Variants in UBTD1 observed in about 807,000 individuals in gnomAD.
UBTD1 encodes the protein ubiquitin domain containing 1.
UBTD1 carries 19 observed loss-of-function variants against 21.7 expected under a neutral mutation model. The ratio of observed to expected loss-of-function variants is 0.87; its 90% confidence interval spans 0.61 to 1.28. UBTD1 has a LOEUF of 1.28. Ranked by LOEUF, UBTD1 falls within the 50% of genes most tolerant of loss-of-function variation. The probability of loss-of-function intolerance (pLI) is 0.00; values close to 1 mark genes in which losing one functional copy is unlikely to be tolerated. For synonymous variants in UBTD1, 116 were observed against 135.1 expected, an observed-to-expected ratio of 0.86 and a Z score of 0.98; for missense variants, 282 against 315.1, an observed-to-expected ratio of 0.89 and a Z score of 0.80.
rs74713888 is a variant in UBTD1 at position 97,505,096 on chromosome 10, G to A, written c.70+5823G>A. Among the ~76,000 whole-genome samples the A allele has an allele frequency of 6.6e-3, 998 of 152,308 alleles. 13 individuals are homozygous for A. The highest frequency in any genetic ancestry group is 0.023 in the African/African-American group (937 of 41,566). On this transcript the variant is annotated intron_variant, in intron 1 of 2. Transcript: ENST00000370664. ...GTCCTTAACTCGCAGGGCAGGGATAGGGTGGCCTAATAGACTACAAGGGAG... is the reference window on the plus strand; with the variant it reads ...GTCCTTAACTCGCAGGGCAGGGATAAGGTGGCCTAATAGACTACAAGGGAG...
intron 1 of UBTD1, among the ~76,000 whole-genome samples, chr10:97,535,530 G>A (rs925144632): frequency 2.6e-5 from 4 of 152,240 alleles, no homozygotes; most frequent in Middle Eastern, 6.8e-3. Flanking sequence ...CAGGAGAATC[G>A]CTTGAACCCA....
At position 97,507,550 on chromosome 10, in the gene UBTD1, A is replaced by T. The variant is rs572567912; in HGVS notation, c.70+8277A>T. Among the ~76,000 whole-genome samples the T allele has an allele frequency of 2.0e-4, 31 of 151,868 alleles. No individual in the cohort carries two copies. In the East Asian group the frequency reaches 5.8e-3, roughly 29 times the overall value. ...AGCACTTTGGGAGGCTGAGCCGGGC[A>T]GATCACGAGGTCAGGAGTTTGAGAC... is the stretch of plus-strand genomic sequence containing the variant. On this transcript the variant is annotated intron_variant, in intron 1 of 2. Transcript: ENST00000370664.
intron 1 of UBTD1, among the ~76,000 whole-genome samples, chr10:97,521,149 AT>A (rs2040465485): frequency 6.6e-6 from 1 of 152,084 alleles, no homozygotes; most frequent in Non-Finnish European, 1.5e-5. Flanking sequence ...TTGTTATTTA[AT>A]CTGTAGTGTT....
At chr10:97,502,857 G>A (rs1224002376) in intron 1 of UBTD1, among the ~76,000 whole-genome samples, 4 of 147,794 alleles carry the variant, frequency 2.7e-5, no homozygotes, top group Admixed American at 1.4e-4. Flanking sequence ...ACATATATAC[G>A]TATATATACG....
chr10:97,526,723 C>T (rs2040490107), intron 1 of UBTD1, among the ~76,000 whole-genome samples: 1 of 151,838 alleles, frequency 6.6e-6, no homozygotes, highest in Non-Finnish European at 1.5e-5. Flanking sequence ...TGGTGGCATG[C>T]ACCGGTAGTC....
rs774376130 is a variant in UBTD1, at chr10:97,570,442, C to T, written c.603C>T (p.Arg201=). ...WFFSGKLLTD[R]TRLQETKIQK... is the part of the protein sequence containing the mutation. ...TCTCCGGGAAGCTGCTCACAGACCG[C>T]ACACGGCTCCAGGAGACCAAGATCC... Residue 201 remains arginine, a synonymous_variant, in exon 3 of 3, where the codon CGC becomes CGT. Coordinates refer to ENST00000370664, the MANE Select transcript of UBTD1 (RefSeq NM_024954.5). This position sits in a 1 kb window ranked among gnomAD's most constrained non-coding sequence, Gnocchi z 6.6. 1.1e-5 allele frequency: 18 copies of T among 1,613,118 alleles called. No homozygotes were observed. The highest frequency in any genetic ancestry group is 1.4e-5 in the Non-Finnish European group (17 of 1,179,972).
intron 1 of UBTD1, among the ~76,000 whole-genome samples, chr10:97,548,491 G>A (rs2040621277): frequency 6.6e-6 from 1 of 152,226 alleles, no homozygotes; most frequent in African/African-American, 2.4e-5. Flanking sequence ...TTAGTTGCAT[G>A]GCAGGATAGA....
chr10:97,529,887 G>A (rs1412189761), intron 1 of UBTD1, among the ~76,000 whole-genome samples: 1 of 152,138 alleles, frequency 6.6e-6, no homozygotes, highest in African/African-American at 2.4e-5. Flanking sequence ...ACAAACCTGA[G>A]CCCAGAGTAG....
rs181471069 is a variant in UBTD1, at chr10:97,562,267, G to T, written c.71-5647G>T. 7.2e-5 allele frequency among the ~76,000 whole-genome samples: 11 copies of T among 152,296 alleles called. No homozygotes were observed. The East Asian group carries it at 2.1e-3, about 29-fold the overall frequency. On this transcript the variant is annotated intron_variant, in intron 1 of 2. Coordinates refer to ENST00000370664, the MANE Select transcript of UBTD1 (RefSeq NM_024954.5). ...CAGATACAAAAATTAGCGAGGTGTG[G>T]TGTTACACATCTGTAATCCCAGCTA...
intron 1 of UBTD1, among the ~76,000 whole-genome samples, chr10:97,555,802 A>C (rs1315465242): frequency 6.6e-6 from 1 of 152,194 alleles, no homozygotes; most frequent in Non-Finnish European, 1.5e-5. Context: ...TGCTGGGTTT[A>C]GGCCAGGCAG....
At chr10:97,545,403 TGTGTGTGG>T (rs1294186828) in intron 1 of UBTD1, among the ~76,000 whole-genome samples, 1 of 82,214 alleles carries the variant, frequency 1.2e-5, no homozygotes, top group Admixed American at 1.8e-4. Context: ...TGTGTGTGTG[TGTGTGTGG>T]GTGTGGGTGT....
intron 1 of UBTD1, among the ~76,000 whole-genome samples, chr10:97,541,824 T>A (rs2040588647): frequency 6.9e-6 from 1 of 145,078 alleles, no homozygotes; most frequent in Admixed American, 7.3e-5. Context: ...AACCTCCGCC[T>A]CCCTAGTTTA....
intron 1 of UBTD1, among the ~76,000 whole-genome samples, chr10:97,543,951 T>G (rs1282065843): frequency 6.6e-6 from 1 of 151,854 alleles, no homozygotes; most frequent in Non-Finnish European, 1.5e-5. Flanking sequence ...TCTGGACTGT[T>G]AAGTTAGTTG....
intron 1 of UBTD1, among the ~76,000 whole-genome samples, chr10:97,559,007 C>T (rs552710054): frequency 4.6e-5 from 7 of 152,274 alleles, no homozygotes; most frequent in East Asian, 1.9e-4. Context: ...ACCACGCATC[C>T]GCTCGGGGAT....
chr10:97,536,708 T>C (rs2040563527), intron 1 of UBTD1, among the ~76,000 whole-genome samples: 1 of 152,158 alleles, frequency 6.6e-6, no homozygotes, highest in Admixed American at 6.5e-5. Flanking sequence ...GATGCTTCTG[T>C]ACCTTCTACT....
intron 1 of UBTD1, among the ~76,000 whole-genome samples, chr10:97,531,924 A>G (rs2040533981): frequency 6.6e-6 from 1 of 152,172 alleles, no homozygotes; most frequent in South Asian, 2.1e-4. Flanking sequence ...TGGGTCCCAG[A>G]ATAGAAAAAC....
At chr10:97,505,549 T>C (rs1352115645) in intron 1 of UBTD1, among the ~76,000 whole-genome samples, 1 of 152,252 alleles carries the variant, frequency 6.6e-6, no homozygotes, top group Non-Finnish European at 1.5e-5. Flanking sequence ...CTAATGGTGG[T>C]TTAAAAATTA....
At position 97,515,898 on chromosome 10, in the gene UBTD1, G is replaced by A. The variant is rs768859280; in HGVS notation, c.70+16625G>A. On this transcript the variant is annotated intron_variant, in intron 1 of 2. Transcript: ENST00000370664. The stretch of plus-strand genomic sequence containing the variant: ...AGCCACTCCTGATACCATGCAGATC[G>A]GAGGCAGCTCCAAACAGGGGAACTT... Among the ~76,000 whole-genome samples, 5 of 152,210 alleles carry A rather than the reference G, an allele frequency of 3.3e-5. No homozygotes were observed. In the South Asian group the frequency reaches 6.2e-4, roughly 19 times the overall value.
At chr10:97,544,075 A>G (rs1311540499) in intron 1 of UBTD1, among the ~76,000 whole-genome samples, 1 of 152,164 alleles carries the variant, frequency 6.6e-6, no homozygotes, top group East Asian at 1.9e-4. Flanking sequence ...TGAGGTCAGG[A>G]GTTCAAGACC....
Sources: allele counts gnomAD v4.1 joint callset (sites outside exome capture counted in the v4.1 genomes callset), GRCh38; gene constraint gnomAD v4.1.1; non-coding constraint Gnocchi (gnomAD v3.1); transcripts MANE v1.5; gene names NCBI Gene and HGNC (gene_info 2026-07-23, HGNC 2026-07-21).